ENTR1: variants seen among roughly 807,000 people sequenced by gnomAD.
ENTR1 encodes endosome associated trafficking regulator 1, also known as endosome-associated-trafficking regulator 1.
A neutral mutation model predicts 47.9 loss-of-function variants in ENTR1; 47 were observed. The ratio of observed to expected loss-of-function variants is 0.98; its 90% CI spans 0.78 to 1.25. The LOEUF (loss-of-function observed/expected upper bound fraction) is 1.25. Ranked by LOEUF, ENTR1 falls within the 50% of genes most tolerant of loss-of-function variation. The pLI, the probability that ENTR1 is intolerant of heterozygous loss-of-function variation, is 0.00. For missense variants in ENTR1, 668 were observed against 570.5 expected, an observed-to-expected ratio of 1.17 and a Z score of -1.74; for synonymous variants, 290 against 245.8, an observed-to-expected ratio of 1.18 and a Z score of -1.68.
chr9:136,410,010 C>A (rs1302799086), intron 2 of ENTR1, 80 bp downstream of exon 2: 2 of 1,534,986 alleles, frequency 1.3e-6, no homozygotes, highest in East Asian at 4.5e-5. Context: ...GGTCAATGGA[C>A]GAGCTCGTGC....
At chr9:136,407,740 C>G in intron 4 of ENTR1, 86 bp downstream of exon 4, 1 of 1,382,168 alleles carries the variant, frequency 7.2e-7, no homozygotes, top group East Asian at 2.3e-5. Context: ...CTCTGCCACA[C>G]TCATGCACGA....
intron 9 of ENTR1, 69 bp downstream of exon 9, chr9:136,403,986 G>A: frequency 6.7e-7 from 1 of 1,489,986 alleles, no homozygotes; most frequent in Non-Finnish European, 9.0e-7. Context: ...CCCCACCCAG[G>A]ATCACTGACG....
Position 136,405,104 on chromosome 9 carries a change from A to C in ENTR1, c.992T>G (p.Leu331Arg). 5 of 1,612,796 alleles carry C rather than the reference A, an allele frequency of 3.1e-6. No homozygotes were observed. Among genetic ancestry groups the C allele is most frequent in the Non-Finnish European group, 4.2e-6 (5 of 1,178,992 alleles). ...AGAAACCCATACGGTCATCAGCTCC[A>C]GGTTCTGCTCCACCTGCTGAACCAC... ...ESVVQQVEQN[L>R]ELMTKRAVKA... The change falls in exon 7 of 10, where the codon CTG becomes CGG. Residue 331 changes from leucine (L) to arginine (R), a missense_variant. Physicochemically the swap from Leu to Arg is moderately radical, Grantham distance 102. Coordinates refer to ENST00000357365, the MANE Select transcript of ENTR1 (RefSeq NM_001039707.2).
At chr9:136,405,302 T>A in intron 6 of ENTR1, 100 bp from the exon 7 acceptor site, 1 of 916,120 alleles carries the variant, frequency 1.1e-6, no homozygotes, top group Non-Finnish European at 1.7e-6. Context: ...TAAGAGCCTG[T>A]GATGGAATGG....
Position 136,402,594 on chromosome 9 carries a change from C to T in ENTR1, c.*194G>A, listed in dbSNP as rs959821773. 1.3e-5 allele frequency: 6 copies of T among 466,524 alleles called. No homozygotes were observed. Among genetic ancestry groups the T allele is most frequent in the African/African-American group, 1.2e-4 (6 of 50,016 alleles). 28.9% of individuals were successfully genotyped at this position (466,524 alleles called of 1,614,324 possible). A position where few individuals can be genotyped will look rare whatever the true frequency, so the allele number is the denominator to read the frequency against. ...GCCAAGAAGGGCTGCATAGAAACCA[C>T]AGAGACAACTCGGCCAGGGCTGCTC... On this transcript the variant is annotated 3_prime_UTR_variant, in exon 10 of 10. Transcript: ENST00000357365.
intron 5 of ENTR1, among the ~76,000 whole-genome samples, chr9:136,406,629 G>A (rs868083272): frequency 1.6e-4 from 25 of 151,756 alleles, no homozygotes; most frequent in African/African-American, 5.6e-4. Context: ...GGCGCCTGCC[G>A]CCACGCCCAG....
chr9:136,404,719 A>T, intron 7 of ENTR1, 26 bp from the exon 8 acceptor site: 3 of 1,612,768 alleles, frequency 1.9e-6, no homozygotes, highest in Non-Finnish European at 2.5e-6. Context: ...GAAAAACCAC[A>T]AAAAGCATCA....
chr9:136,402,563 A>C lies in ENTR1; in HGVS notation c.*225T>G. On this transcript the variant is annotated 3_prime_UTR_variant, in exon 10 of 10. Coordinates refer to ENST00000357365, the MANE Select transcript of ENTR1 (RefSeq NM_001039707.2). ...TCATTAGAATCTATAAGATCGCAGG[A>C]ATTTCGCCAAGAAGGGCTGCATAGA... 1 of 429,124 alleles carries C rather than the reference A, an allele frequency of 2.3e-6. No homozygotes were observed. Among genetic ancestry groups the C allele is most frequent in the South Asian group, 4.8e-5 (1 of 20,680 alleles). 26.6% of individuals were successfully genotyped at this position (429,124 alleles called of 1,614,324 possible). A position where few individuals can be genotyped will look rare whatever the true frequency, so the allele number is the denominator to read the frequency against.
chr9:136,410,052 C>T (rs769620690), intron 2 of ENTR1, 38 bp downstream of exon 2: 4 of 1,611,848 alleles, frequency 2.5e-6, no homozygotes, highest in Non-Finnish European at 3.4e-6. Context: ...GGCGCGGGAA[C>T]TGGAAGCGTC....
Position 136,407,239 on chromosome 9 carries a change from G to T in ENTR1, c.725C>A (p.Ala242Asp), listed in dbSNP as rs964837137. The T allele has an allele frequency of 3.7e-6, 6 of 1,613,052 alleles. No individual in the cohort carries two copies. Among genetic ancestry groups the T allele is most frequent in the Non-Finnish European group, 5.1e-6 (6 of 1,180,010 alleles). ...LSDTDSRVSPASPAGSPSADF... is the reference protein window; with the variant it reads ...LSDTDSRVSPDSPAGSPSADF... ...TGCGCTAGGACTCCCTGCCGGAGAGGCCGGAGACACGCGAGAATCAGTGTC... is the reference window on the plus strand; with the variant it reads ...TGCGCTAGGACTCCCTGCCGGAGAGTCCGGAGACACGCGAGAATCAGTGTC... The change falls in exon 5 of 10, where the codon GCC (alanine) becomes GAC (aspartate). Residue 242 changes from alanine (A) to aspartate (D), a missense_variant. Physicochemically the swap from Ala to Asp is moderately radical, Grantham distance 126 (BLOSUM62 -2). Transcript: ENST00000357365.
At position 136,407,089 on chromosome 9, in the gene ENTR1, C is replaced by T. The variant is rs545251690; in HGVS notation, c.819+56G>A. On this transcript the variant is annotated intron_variant, in intron 5 of 9. Transcript: ENST00000357365. ...AGGTAGGATGGCTCCAGGTTCTCCC[C>T]GGGAGAAGCCGCTCGGACAGGCGCT... The T allele has an allele frequency of 4.4e-5, 66 of 1,513,192 alleles. No individual in the cohort carries two copies. In the African/African-American group the frequency reaches 5.3e-4, roughly 12 times the overall value. 93.7% of individuals were successfully genotyped at this position (1,513,192 alleles called of 1,614,324 possible). A position where few individuals can be genotyped will look rare whatever the true frequency, so the allele number is the denominator to read the frequency against.
intron 3 of ENTR1, among the ~76,000 whole-genome samples, chr9:136,408,187 C>T (rs936046549): frequency 2.6e-5 from 4 of 152,170 alleles, no homozygotes; most frequent in African/African-American, 9.7e-5. Context: ...CTGTGCTGCT[C>T]ACTAAAGCTC....
rs1469136897 is a variant in ENTR1, at chr9:136,410,553, T to C, written c.-156A>G. 5.3e-6 allele frequency: 6 copies of C among 1,130,146 alleles called. No individual in the cohort carries two copies. Among genetic ancestry groups the C allele is most frequent in the Non-Finnish European group, 6.7e-6 (6 of 897,216 alleles). 70.0% of individuals were successfully genotyped at this position (1,130,146 alleles called of 1,614,324 possible). A position where few individuals can be genotyped will look rare whatever the true frequency, so the allele number is the denominator to read the frequency against. On this transcript the variant is annotated 5_prime_UTR_variant, in exon 1 of 10. Coordinates refer to ENST00000357365, the MANE Select transcript of ENTR1 (RefSeq NM_001039707.2). Reference sequence around the variant, plus strand: ...CCCGCGCCTCCGAGCCTCTCGCCGCTGCTTCCGCTCCGAGCACCGAAAGCG... The same window carrying C: ...CCCGCGCCTCCGAGCCTCTCGCCGCCGCTTCCGCTCCGAGCACCGAAAGCG...
chr9:136,407,609 C>T (rs781414022), intron 4 of ENTR1, 48 bp from the exon 5 acceptor site: 11 of 1,502,790 alleles, frequency 7.3e-6, no homozygotes, highest in Admixed American at 7.3e-5. Context: ...GCTTCTGACT[C>T]GGAGCGCATC....
intron 2 of ENTR1, 91 bp downstream of exon 2, chr9:136,409,999 G>C: frequency 6.9e-7 from 1 of 1,454,884 alleles, no homozygotes; most frequent in Non-Finnish European, 9.6e-7. Flanking sequence ...GCACATTGAT[G>C]GGTCAATGGA....
rs1834526579 is a variant in ENTR1, at chr9:136,402,300, G to A, written c.*488C>T. The A allele has an allele frequency of 6.4e-6, 1 of 156,102 alleles. No homozygotes were observed. Among genetic ancestry groups the A allele is most frequent in the African/African-American group, 2.4e-5 (1 of 41,464 alleles). The allele number at this position is 156,102 out of a possible 1,614,324, so 9.7% of individuals were successfully genotyped here. A position where few individuals can be genotyped will look rare whatever the true frequency, so the allele number is the denominator to read the frequency against. ...CATGACTGCAGGGACCACCCACTGGGGCCACAAGAGTGACCCGGGAGCCAG... is the reference window on the plus strand; with the variant it reads ...CATGACTGCAGGGACCACCCACTGGAGCCACAAGAGTGACCCGGGAGCCAG... On this transcript the variant is annotated 3_prime_UTR_variant, in exon 10 of 10. Transcript: ENST00000357365.
chr9:136,405,338 G>A (rs147261577), intron 6 of ENTR1, 136 bp from the exon 7 acceptor site: 100 of 668,852 alleles, frequency 1.5e-4, no homozygotes, highest in Non-Finnish European at 2.1e-4. Context: ...GGGAGGCAGC[G>A]GCAGCCTCAG....
chr9:136,407,996 C>G (rs1444763553), intron 3 of ENTR1, 58 bp from the exon 4 acceptor site: 3 of 1,136,680 alleles, frequency 2.6e-6, no homozygotes, highest in Non-Finnish European at 4.0e-6. Context: ...GAAAGGGAAC[C>G]TTCCTGTTCA....
Position 136,404,046 on chromosome 9 carries a change from G to C in ENTR1, c.1208+9C>G. On this transcript the variant is annotated intron_variant, in intron 9 of 9. Transcript: ENST00000357365. ...CCGCCAGGCTTCCCGGTGCCTCCCA[G>C]GCACTCACTTGATGGAAGCCTGTGC... 6.4e-7 allele frequency: 1 copy of C among 1,571,602 alleles called. No individual in the cohort carries two copies. The highest frequency in any genetic ancestry group is 8.7e-7 in the Non-Finnish European group (1 of 1,154,068).
Sources: allele counts gnomAD v4.1 joint callset (sites outside exome capture counted in the v4.1 genomes callset), GRCh38; gene constraint gnomAD v4.1.1; transcripts MANE v1.5; gene names NCBI Gene and HGNC (gene_info 2026-07-23, HGNC 2026-07-21).